The following TMEFF2 variants were observed in gnomAD, a reference collection of about 807,000 sequenced individuals.
TMEFF2 encodes the protein transmembrane protein with EGF like and two follistatin like domains 2, also known as tomoregulin-2.
In TMEFF2, 28 loss-of-function variants were observed where a neutral mutation model predicts 53.8. The ratio of observed to expected loss-of-function variants is 0.52; its 90% CI spans 0.39 to 0.71. The LOEUF (loss-of-function observed/expected upper bound fraction) is 0.71. TMEFF2 is among the 30% of genes least tolerant of loss of function. The pLI is 0.00. For missense variants in TMEFF2, 353 were observed against 455.2 expected, an observed-to-expected ratio of 0.78 and a Z score of 2.04; for synonymous variants, 162 against 166.3, an observed-to-expected ratio of 0.97 and a Z score of 0.20.
chr2:192,057,894 T>G, intron 4 of TMEFF2, 119 bp from the exon 5 acceptor site: 4 of 748,160 alleles, frequency 5.3e-6, no homozygotes, highest in South Asian at 1.7e-5. Flanking sequence ...CTATTGAAGC[T>G]TCATAAGAAT....
At position 192,132,518 on chromosome 2, in the gene TMEFF2, C is replaced by G. The variant is rs924588027; in HGVS notation, c.439+47150G>C. Among the ~76,000 whole-genome samples, 4 of 152,186 alleles carry G rather than the reference C, an allele frequency of 2.6e-5. No individual in the cohort carries two copies. The East Asian group carries it at 7.7e-4, about 29-fold the overall frequency. ...AAAATAGATTCTGGCCCTCAAACCCCACAACAGGACTTAATTAACCTCACC... is the reference window on the plus strand; with the variant it reads ...AAAATAGATTCTGGCCCTCAAACCCGACAACAGGACTTAATTAACCTCACC... On this transcript the variant is annotated intron_variant, in intron 4 of 9. Transcript: ENST00000272771.
Position 192,193,293 on chromosome 2 carries a change from A to C in TMEFF2, c.172+1060T>G, listed in dbSNP as rs1002819070. On this transcript the variant is annotated intron_variant, in intron 1 of 9. Transcript: ENST00000272771. ...TAGGGGACAATACCCAGGCATGTTA[A>C]CGGAGTTTAAAATGCCAAGGAAATT... Among the ~76,000 whole-genome samples the C allele has an allele frequency of 2.0e-5, 3 of 152,232 alleles. No individual in the cohort carries two copies. In the East Asian group the frequency reaches 5.8e-4, roughly 29 times the overall value.
At chr2:192,105,449 T>TTAG (rs1222168576) in intron 4 of TMEFF2, among the ~76,000 whole-genome samples, 6 of 151,994 alleles carry the variant, frequency 3.9e-5, no homozygotes, top group African/African-American at 1.4e-4. Flanking sequence ...AGCAATTTAC[T>TTAG]TTATATGCAT....
At chr2:192,049,153 A>ATGTGTGTGTGTGTG (rs56231804) in intron 5 of TMEFF2, among the ~76,000 whole-genome samples, 11 of 151,354 alleles carry the variant, frequency 7.3e-5, no homozygotes, top group South Asian at 2.1e-4. Flanking sequence ...CATTTGGTCT[A>ATGTGTGTGTGTGTG]TGTGTGTGTG....
chr2:192,009,613 T>TA (rs1431640003), intron 5 of TMEFF2, among the ~76,000 whole-genome samples: 2 of 152,096 alleles, frequency 1.3e-5, no homozygotes, highest in Non-Finnish European at 2.9e-5. Flanking sequence ...AAATTTACTT[T>TA]AAAAAATAAT....
intron 8 of TMEFF2, among the ~76,000 whole-genome samples, 185 bp from the exon 9 acceptor site, chr2:191,954,022 G>A (rs1011073549): frequency 2.6e-5 from 4 of 151,264 alleles, no homozygotes; most frequent in South Asian, 2.1e-4. Context: ...CGAGTAGCTG[G>A]GACTACAGGC....
chr2:192,108,472 C>A (rs921617423), intron 4 of TMEFF2, among the ~76,000 whole-genome samples: 1 of 151,760 alleles, frequency 6.6e-6, no homozygotes, highest in Non-Finnish European at 1.5e-5. Context: ...GCTTTTTAAC[C>A]TTCGTGTTTA....
chr2:192,039,995 A>G lies in TMEFF2; in HGVS notation c.536+17684T>C, dbSNP rs929179069. On this transcript the variant is annotated intron_variant, in intron 5 of 9. Transcript: ENST00000272771. ...GAATCACCTACAATTTTACAAGTTT[A>G]TCAGTAATAAATTATATTAAGTTCC... 4.6e-5 allele frequency among the ~76,000 whole-genome samples: 7 copies of G among 152,112 alleles called. No homozygotes were observed. In the East Asian group the frequency reaches 1.3e-3, roughly 29 times the overall value.
chr2:192,003,708 C>G (rs1686421542), intron 5 of TMEFF2, among the ~76,000 whole-genome samples: 1 of 152,208 alleles, frequency 6.6e-6, no homozygotes, highest in South Asian at 2.1e-4. Context: ...TAAAGATCCA[C>G]ATGAAAACTA....
chr2:192,108,394 A>G lies in TMEFF2; in HGVS notation c.440-50619T>C, dbSNP rs372719859. The stretch of plus-strand genomic sequence containing the variant: ...TTAAATGTAATCTTTTTTTAAATGA[A>G]AATAAATATTAGATTATTCCATAGC... On this transcript the variant is annotated intron_variant, in intron 4 of 9. Transcript: ENST00000272771. 2.5e-4 allele frequency among the ~76,000 whole-genome samples: 38 copies of G among 152,062 alleles called. 5 individuals carry two copies. Among genetic ancestry groups the G allele is most frequent in the Admixed American group, 2.0e-3 (31 of 15,244 alleles).
intron 5 of TMEFF2, among the ~76,000 whole-genome samples, chr2:192,024,404 A>G (rs1056079180): frequency 6.6e-6 from 1 of 152,224 alleles, no homozygotes; most frequent in African/African-American, 2.4e-5. Context: ...AAGCTTTACA[A>G]TTTATCAAAG....
chr2:192,166,842 C>A (rs565006570), intron 4 of TMEFF2, among the ~76,000 whole-genome samples: 1 of 152,056 alleles, frequency 6.6e-6, no homozygotes, highest in Non-Finnish European at 1.5e-5. Context: ...TTAAAAAACA[C>A]GTTTCAAACA....
intron 5 of TMEFF2, among the ~76,000 whole-genome samples, chr2:192,026,330 G>A (rs1264079275): frequency 6.6e-6 from 1 of 152,180 alleles, no homozygotes; most frequent in East Asian, 1.9e-4. Flanking sequence ...CAAAGGTGAA[G>A]GGAGGCATAA....
chr2:192,183,604 T>A lies in TMEFF2; in HGVS notation c.412+750A>T, dbSNP rs373289762. Reference sequence around the variant, plus strand: ...TTATGGCACCTTACAGCCTCTACAATATATGTGATTTTGATATCAAGCTTA... The same window carrying A: ...TTATGGCACCTTACAGCCTCTACAAAATATGTGATTTTGATATCAAGCTTA... On this transcript the variant is annotated intron_variant, in intron 3 of 9. Coordinates refer to ENST00000272771, the MANE Select transcript of TMEFF2 (RefSeq NM_016192.4). 1.1e-4 allele frequency among the ~76,000 whole-genome samples: 16 copies of A among 152,172 alleles called. No individual in the cohort carries two copies. The South Asian group carries it at 2.9e-3, about 28-fold the overall frequency.
chr2:192,074,308 G>A (rs1305753059), intron 4 of TMEFF2, among the ~76,000 whole-genome samples: 2 of 151,944 alleles, frequency 1.3e-5, no homozygotes, highest in African/African-American at 4.8e-5. Context: ...AACCTCATAT[G>A]TTGAGGAAAA....
At chr2:192,187,046 G>C (rs1042062345) in intron 2 of TMEFF2, among the ~76,000 whole-genome samples, 1 of 152,168 alleles carries the variant, frequency 6.6e-6, no homozygotes, top group Non-Finnish European at 1.5e-5. Flanking sequence ...CTTAACTGTA[G>C]ATTACTGGCA....
chr2:192,111,577 G>C (rs1689276573), intron 4 of TMEFF2, among the ~76,000 whole-genome samples: 1 of 152,168 alleles, frequency 6.6e-6, no homozygotes, highest in Non-Finnish European at 1.5e-5. Flanking sequence ...AAAATTTGCA[G>C]CCTTATGAAG....
intron 4 of TMEFF2, among the ~76,000 whole-genome samples, chr2:192,139,670 G>T (rs768037546): frequency 1.3e-5 from 2 of 152,122 alleles, no homozygotes; most frequent in Non-Finnish European, 2.9e-5. Flanking sequence ...AAAAAGTTTT[G>T]CCAAACTAGT....
chr2:192,080,403 C>G (rs1664040564), intron 4 of TMEFF2, among the ~76,000 whole-genome samples: 1 of 152,202 alleles, frequency 6.6e-6, no homozygotes, highest in Non-Finnish European at 1.5e-5. Context: ...TTCCTGCTGT[C>G]TTGTGAAGAA....
Sources: allele counts gnomAD v4.1 joint callset (sites outside exome capture counted in the v4.1 genomes callset), GRCh38; gene constraint gnomAD v4.1.1; transcripts MANE v1.5; gene names NCBI Gene and HGNC (gene_info 2026-07-23, HGNC 2026-07-21).